The following TENM2 variants were observed in gnomAD, a reference collection of about 807,000 sequenced individuals.
TENM2 encodes the protein teneurin transmembrane protein 2, also known as teneurin-2.
Under a neutral mutation model 245.2 loss-of-function variants are expected in TENM2, and 52 were observed. The ratio of observed to expected loss-of-function variants is 0.21; its 90% CI spans 0.17 to 0.27. TENM2 has a LOEUF of 0.27. TENM2 is among the 10% of genes least tolerant of loss of function. TENM2 has a pLI of 1.00. For synonymous variants in TENM2, 1,363 were observed against 1,438.9 expected, an observed-to-expected ratio of 0.95 and a Z score of 1.19; for missense variants, 3,046 against 3,666.8, an observed-to-expected ratio of 0.83 and a Z score of 4.37.
the TENM2 span, among the ~76,000 whole-genome samples, chr5:167,193,133 G>A: frequency 6.6e-6 from 1 of 152,104 alleles, no homozygotes; most frequent in Non-Finnish European, 1.5e-5. Flanking sequence ...TGTGGAAAAC[G>A]TTTAATATAT....
At chr5:167,053,131 T>A in the TENM2 span, among the ~76,000 whole-genome samples, 1,438 of 152,320 alleles carry the variant, frequency 9.4e-3, 18 homozygotes, top group African/African-American at 0.033. Context: ...TGGTGAATTA[T>A]TTCATCTTTC....
chr5:167,686,756 G>A (rs1757102893), intron 2 of TENM2, among the ~76,000 whole-genome samples: 1 of 152,200 alleles, frequency 6.6e-6, no homozygotes, highest in South Asian at 2.1e-4. Flanking sequence ...GGAGCCATTA[G>A]AGATGACTTA....
the TENM2 span, among the ~76,000 whole-genome samples, chr5:166,988,273 CCTTGTTGATCT>C: frequency 6.6e-6 from 1 of 152,080 alleles, no homozygotes; most frequent in Non-Finnish European, 1.5e-5. Flanking sequence ...ATCTTCTGTT[CCTTGTTGATCT>C]GAATCAGAGA....
rs113801768 is a variant in TENM2 at position 168,161,817 on chromosome 5, T to TACACACACACACACAC, written c.2423-782_2423-767dup. 4.5e-3 allele frequency among the ~76,000 whole-genome samples: 657 copies of TACACACACACACACAC among 147,342 alleles called. 4 individuals carry two copies. Among genetic ancestry groups the TACACACACACACACAC allele is most frequent in the Middle Eastern group, 0.017 (5 of 290 alleles). Reference sequence around the variant, plus strand: ...TTGCACAGACACGTGAGCGCATGTATACACACACACACACACACACACACA... The same window carrying TACACACACACACACAC: ...TTGCACAGACACGTGAGCGCATGTATACACACACACACACACACACACACACACACACACACACACA... On this transcript the variant is annotated intron_variant, in intron 12 of 28. Transcript: ENST00000518659.
chr5:167,234,783 T>C, the TENM2 span, among the ~76,000 whole-genome samples: 3 of 152,194 alleles, frequency 2.0e-5, no homozygotes, highest in African/African-American at 7.2e-5. Context: ...AGATTATATA[T>C]GATGGAACAG....
chr5:167,223,678 T>G, the TENM2 span, among the ~76,000 whole-genome samples: 1 of 152,172 alleles, frequency 6.6e-6, no homozygotes, highest in African/African-American at 2.4e-5. Context: ...TTTGATATAT[T>G]GATTTATTTT....
the TENM2 span, among the ~76,000 whole-genome samples, chr5:167,069,002 G>C: frequency 3.9e-5 from 6 of 152,044 alleles, no homozygotes; most frequent in African/African-American, 1.4e-4. Context: ...ATTTTCTTCT[G>C]CTGTGTGGAA....
At chr5:167,893,265 G>A (rs758896987) in intron 3 of TENM2, among the ~76,000 whole-genome samples, 13 of 152,120 alleles carry the variant, frequency 8.5e-5, no homozygotes, top group Non-Finnish European at 1.9e-4. Context: ...CATGTTCTGG[G>A]TTTAAATATG....
At chr5:166,999,678 A>G in the TENM2 span, among the ~76,000 whole-genome samples, 3 of 152,196 alleles carry the variant, frequency 2.0e-5, no homozygotes, top group African/African-American at 7.2e-5. Context: ...TATGGTGGGC[A>G]TATGGTGGAT....
chr5:168,261,837 G>T (rs1768215442), intron 28 of TENM2, among the ~76,000 whole-genome samples: 1 of 152,152 alleles, frequency 6.6e-6, no homozygotes, highest in African/African-American at 2.4e-5. Context: ...CACCATCAGA[G>T]CATTAGTAAT....
At chr5:167,036,188 A>C in the TENM2 span, among the ~76,000 whole-genome samples, 2,611 of 152,284 alleles carry the variant, frequency 0.017, 41 homozygotes, top group Non-Finnish European at 0.03. Flanking sequence ...GCCTGGGGAA[A>C]GTCTGGGAGG....
chr5:167,538,597 T>C (rs900085590), intron 2 of TENM2, among the ~76,000 whole-genome samples: 2 of 152,222 alleles, frequency 1.3e-5, no homozygotes, highest in African/African-American at 4.8e-5. Flanking sequence ...CCATGAATTC[T>C]AAGCTGAAGG....
At chr5:166,991,626 T>G in the TENM2 span, among the ~76,000 whole-genome samples, 1 of 152,196 alleles carries the variant, frequency 6.6e-6, no homozygotes. Context: ...TTCTTTTTCT[T>G]TAGTTGTTGG....
the TENM2 span, among the ~76,000 whole-genome samples, chr5:167,239,586 C>T: frequency 6.6e-6 from 1 of 152,134 alleles, no homozygotes; most frequent in African/African-American, 2.4e-5. Flanking sequence ...CAACGAGGTA[C>T]CTTTTACTAG....
chr5:167,466,257 C>T (rs1766644687), intron 2 of TENM2, among the ~76,000 whole-genome samples: 2 of 152,214 alleles, frequency 1.3e-5, no homozygotes, highest in African/African-American at 2.4e-5. Context: ...CCTTGCTCCT[C>T]TATAGCACAC....
intron 25 of TENM2, among the ~76,000 whole-genome samples, chr5:168,239,634 G>A (rs567538357): frequency 6.6e-6 from 1 of 152,044 alleles, no homozygotes; most frequent in South Asian, 2.1e-4. Flanking sequence ...ATGAGACCAG[G>A]AATGTTCAGG....
At chr5:167,810,254 T>C (rs1766535325) in intron 2 of TENM2, among the ~76,000 whole-genome samples, 1 of 152,080 alleles carries the variant, frequency 6.6e-6, no homozygotes, top group Non-Finnish European at 1.5e-5. Flanking sequence ...TTTCCTTGAC[T>C]CTGACACTAA....
intron 2 of TENM2, among the ~76,000 whole-genome samples, chr5:167,745,671 A>C (rs752076993): frequency 2.0e-5 from 3 of 152,128 alleles, no homozygotes; most frequent in Non-Finnish European, 4.4e-5. Context: ...ATTTGCTGTT[A>C]ATCTACTCTA....
intron 3 of TENM2, among the ~76,000 whole-genome samples, chr5:167,929,579 A>G (rs1183142942): frequency 1.3e-5 from 2 of 152,138 alleles, no homozygotes; most frequent in Non-Finnish European, 2.9e-5. Flanking sequence ...TATTAGCATC[A>G]CAATCAGGCT....
Sources: gnomAD v4.1 joint callset for allele counts (sites outside exome capture counted in the v4.1 genomes callset) on GRCh38, gnomAD v4.1.1 for gene constraint, MANE v1.5 for transcripts, NCBI Gene and HGNC (gene_info 2026-07-23, HGNC 2026-07-21) for gene names.